The following EEFSEC variants were observed in gnomAD, a reference collection of about 807,000 sequenced individuals.
EEFSEC encodes eukaryotic elongation factor, selenocysteine-tRNA specific.
EEFSEC carries 43 observed loss-of-function variants against 42.1 expected under a neutral mutation model. The observed-to-expected ratio is 1.02, with a 90% CI of 0.80 to 1.32. EEFSEC has a LOEUF of 1.32. Ranked by LOEUF, EEFSEC falls within the 40% of genes most tolerant of loss-of-function variation. The probability of loss-of-function intolerance (pLI) is 0.00; values close to 1 mark genes in which losing one functional copy is unlikely to be tolerated. For synonymous variants in EEFSEC, 354 were observed against 339.1 expected (o/e 1.04, Z -0.48); for missense variants, 745 against 803.6 (o/e 0.93, Z 0.88).
At chr3:128,158,292 CA>C (rs1196317236) in intron 1 of EEFSEC, among the ~76,000 whole-genome samples, 1 of 152,118 alleles carries the variant, frequency 6.6e-6, no homozygotes, top group East Asian at 1.9e-4. Flanking sequence ...GTTGAAATGA[CA>C]ACAAAGGATT....
At chr3:128,378,802 T>C (rs557109567) in intron 6 of EEFSEC, among the ~76,000 whole-genome samples, 11 of 152,194 alleles carry the variant, frequency 7.2e-5, no homozygotes, top group African/African-American at 2.6e-4. Context: ...CTCATCCCAC[T>C]CCCGTCCCAC....
At chr3:128,370,702 C>T (rs2067643655) in intron 6 of EEFSEC, among the ~76,000 whole-genome samples, 1 of 152,256 alleles carries the variant, frequency 6.6e-6, no homozygotes, top group African/African-American at 2.4e-5. Flanking sequence ...TGACCAGCAT[C>T]AGACCTGAGC....
At chr3:128,163,732 C>T (rs778195952) in intron 1 of EEFSEC, among the ~76,000 whole-genome samples, 21 of 152,028 alleles carry the variant, frequency 1.4e-4, no homozygotes, top group African/African-American at 2.7e-4. Context: ...TAGGCAACCA[C>T]GAATCTACTT....
chr3:128,366,607 C>G (rs2067593166), intron 6 of EEFSEC, among the ~76,000 whole-genome samples: 1 of 152,248 alleles, frequency 6.6e-6, no homozygotes, highest in Non-Finnish European at 1.5e-5. Context: ...CTCACACAGT[C>G]ACTCTGACTT....
intron 5 of EEFSEC, among the ~76,000 whole-genome samples, chr3:128,351,464 C>T (rs2107579509): frequency 6.6e-6 from 1 of 152,328 alleles, no homozygotes; most frequent in East Asian, 1.9e-4. Flanking sequence ...GAGGCAGAGT[C>T]AGAAGTCAGG....
chr3:128,184,163 TA>T (rs1001780806), intron 1 of EEFSEC, among the ~76,000 whole-genome samples: 4 of 152,118 alleles, frequency 2.6e-5, no homozygotes, highest in South Asian at 2.1e-4. Flanking sequence ...TCTTCCAAGT[TA>T]AAAAAAATTG....
chr3:128,326,936 G>A (rs114270004), intron 4 of EEFSEC, among the ~76,000 whole-genome samples: 1,702 of 152,266 alleles, frequency 0.011, 23 homozygotes, highest in African/African-American at 0.039. Context: ...TCTATGCGCT[G>A]TGCTCACAGA....
chr3:128,211,459 A>G (rs959938722), intron 1 of EEFSEC, among the ~76,000 whole-genome samples: 37 of 152,254 alleles, frequency 2.4e-4, no homozygotes, highest in African/African-American at 8.2e-4. Flanking sequence ...TAGAGATAAC[A>G]TACTGTTACT....
chr3:128,248,034 A>G (rs2066145750), intron 2 of EEFSEC, among the ~76,000 whole-genome samples: 1 of 152,262 alleles, frequency 6.6e-6, no homozygotes, highest in Non-Finnish European at 1.5e-5. Flanking sequence ...ACTGTGAGAC[A>G]GAAAGCCACC....
chr3:128,306,167 T>G (rs2108011800), intron 4 of EEFSEC, among the ~76,000 whole-genome samples: 1 of 152,346 alleles, frequency 6.6e-6, no homozygotes, highest in African/African-American at 2.4e-5. Flanking sequence ...GAGTTTTCCT[T>G]GTGGCCTAAT....
intron 1 of EEFSEC, among the ~76,000 whole-genome samples, chr3:128,174,627 T>C (rs1038881115): frequency 6.6e-6 from 1 of 152,202 alleles, no homozygotes; most frequent in Non-Finnish European, 1.5e-5. Context: ...TGTATTACTG[T>C]GGACGTGTAG....
intron 4 of EEFSEC, among the ~76,000 whole-genome samples, chr3:128,330,079 C>T (rs2067109546): frequency 1.3e-5 from 2 of 152,182 alleles, no homozygotes; most frequent in Admixed American, 1.3e-4. Context: ...AACAAAGTCC[C>T]AGTTGTATAG....
At chr3:128,379,396 A>G (rs1235080366) in intron 6 of EEFSEC, among the ~76,000 whole-genome samples, 6 of 152,272 alleles carry the variant, frequency 3.9e-5, no homozygotes, top group East Asian at 3.8e-4. Flanking sequence ...TGAAACAAAG[A>G]CAATGATATT....
intron 4 of EEFSEC, among the ~76,000 whole-genome samples, chr3:128,291,736 G>A (rs1405356572): frequency 1.3e-5 from 2 of 152,082 alleles, no homozygotes; most frequent in Non-Finnish European, 2.9e-5. Context: ...AAACAGTTAT[G>A]ATATCTGGAA....
At chr3:128,384,168 G>C (rs1452562092) in intron 6 of EEFSEC, among the ~76,000 whole-genome samples, 3 of 152,314 alleles carry the variant, frequency 2.0e-5, no homozygotes, top group South Asian at 4.1e-4. Flanking sequence ...TTGGAGGAGG[G>C]TGGAGAGACA....
chr3:128,252,518 G>A (rs2955091), intron 2 of EEFSEC, among the ~76,000 whole-genome samples: 127,811 of 152,172 alleles, frequency 0.84, 54,153 homozygotes, highest in East Asian at 0.99. Flanking sequence ...GGTTTCGCAT[G>A]CATAGTTCGT....
chr3:128,305,795 T>C (rs566194288), intron 4 of EEFSEC, among the ~76,000 whole-genome samples: 2 of 152,234 alleles, frequency 1.3e-5, no homozygotes, highest in Non-Finnish European at 2.9e-5. Context: ...AATTTGTGCT[T>C]TTATCTTTGC....
intron 3 of EEFSEC, among the ~76,000 whole-genome samples, chr3:128,262,538 G>A (rs1443926096): frequency 6.6e-6 from 1 of 152,130 alleles, no homozygotes; most frequent in East Asian, 1.9e-4. Context: ...AGACAAAGCA[G>A]CTCCCACCCA....
intron 1 of EEFSEC, among the ~76,000 whole-genome samples, chr3:128,213,557 C>G (rs1407276207): frequency 6.6e-6 from 1 of 152,048 alleles, no homozygotes; most frequent in Non-Finnish European, 1.5e-5. Flanking sequence ...AACTGCCTTA[C>G]ACAGTGCCAG....
Sources: allele counts gnomAD v4.1 joint callset (sites outside exome capture counted in the v4.1 genomes callset), GRCh38; gene constraint gnomAD v4.1.1; transcripts MANE v1.5; gene names NCBI Gene and HGNC (gene_info 2026-07-23, HGNC 2026-07-21).